Variants in ARHGEF11 observed in about 807,000 individuals in gnomAD.
The protein encoded by ARHGEF11 is Rho guanine nucleotide exchange factor 11.
Under a neutral mutation model 193.7 loss-of-function variants are expected in ARHGEF11, and 55 were observed. The ratio of observed to expected loss-of-function variants is 0.28; its 90% CI spans 0.23 to 0.36. The LOEUF is 0.36. Ranked by LOEUF, ARHGEF11 falls within the 10% of genes least tolerant of loss-of-function variation. ARHGEF11 has a pLI of 1.00. For missense variants in ARHGEF11, 1,723 were observed against 2,005.6 expected, an observed-to-expected ratio of 0.86 and a Z score of 2.69; for synonymous variants, 693 against 768.0, an observed-to-expected ratio of 0.90 and a Z score of 1.62.
chr1:156,960,558 T>A, intron 14 of ARHGEF11, 98 bp from the exon 15 acceptor site: 2 of 1,170,332 alleles, frequency 1.7e-6, no homozygotes, highest in East Asian at 4.7e-5. Context: ...CATGAACTTC[T>A]TGCCTTTTCG....
In ARHGEF11 at chr1:157,040,381, CT is replaced by C. The variant is rs147220334; in HGVS notation, c.32+3917del. Among the ~76,000 whole-genome samples the C allele has an allele frequency of 3.3e-3, 504 of 152,310 alleles. 4 individuals are homozygous for C. The highest frequency in any genetic ancestry group is 0.011 in the African/African-American group (475 of 41,546). ...CAGAAGCCAAGGTGCGAAGAGACCCCTGACAGAGAACAGTTGCTGGGTCTAG... is the reference window on the plus strand; with the variant it reads ...CAGAAGCCAAGGTGCGAAGAGACCCCGACAGAGAACAGTTGCTGGGTCTAG... On this transcript the variant is annotated intron_variant, in intron 1 of 40. Transcript: ENST00000368194.
In ARHGEF11 at chr1:157,033,390, C is replaced by T. The variant is rs566505353; in HGVS notation, c.32+10909G>A. ...AACCTCTGATCTCTCATTTTTCTCCCTCTCTGAAGTCACTTCCGTAGCAGA... is the reference window on the plus strand; with the variant it reads ...AACCTCTGATCTCTCATTTTTCTCCTTCTCTGAAGTCACTTCCGTAGCAGA... On this transcript the variant is annotated intron_variant, in intron 1 of 40. Coordinates refer to ENST00000368194, the MANE Select transcript of ARHGEF11 (RefSeq NM_198236.3). Among the ~76,000 whole-genome samples the T allele has an allele frequency of 4.6e-5, 7 of 152,216 alleles. No homozygotes were observed. The East Asian group carries it at 9.6e-4, about 21-fold the overall frequency.
intron 29 of ARHGEF11, chr1:156,945,812 C>T: frequency 2.2e-6 from 1 of 459,490 alleles, no homozygotes; most frequent in East Asian, 3.8e-5. Context: ...GCACAAAGGC[C>T]CACACAGGTG....
chr1:157,040,983 T>C (rs773366797), intron 1 of ARHGEF11, among the ~76,000 whole-genome samples: 1 of 152,204 alleles, frequency 6.6e-6, no homozygotes, highest in Admixed American at 6.5e-5. Context: ...AGAGGAGGCA[T>C]GTGACTTCCC....
chr1:156,940,250 G>C lies in ARHGEF11; in HGVS notation c.3690C>G (p.Gly1230=). The part of the protein sequence containing the change: ...TRNPIHLAFP[G]PLFMEGLADS... Reference sequence around the variant, plus strand: ...CAGCGAGCCCTTCCATGAACAGAGGGCCTGGGAAGGCCAAGTGGATGGGGT... The same window carrying C: ...CAGCGAGCCCTTCCATGAACAGAGGCCCTGGGAAGGCCAAGTGGATGGGGT... Residue 1230 remains glycine (G), a synonymous_variant, in exon 36 of 41, where the codon GGC becomes GGG. Transcript: ENST00000368194. 1 of 1,609,046 alleles carries C rather than the reference G, an allele frequency of 6.2e-7. No homozygotes were observed.
intron 1 of ARHGEF11, among the ~76,000 whole-genome samples, chr1:156,992,625 A>C (rs1044277487): frequency 7.2e-5 from 11 of 152,152 alleles, no homozygotes; most frequent in Non-Finnish European, 1.3e-4. Flanking sequence ...GTATATATAT[A>C]TATATTTTAA....
At chr1:157,029,128 T>C (rs181274065) in intron 1 of ARHGEF11, among the ~76,000 whole-genome samples, 132 of 148,322 alleles carry the variant, frequency 8.9e-4, no homozygotes, top group Middle Eastern at 3.5e-3. Context: ...GATTGTGCCA[T>C]TGCACTCCAG....
intron 1 of ARHGEF11, among the ~76,000 whole-genome samples, chr1:157,006,571 C>T (rs1045631446): frequency 2.0e-5 from 3 of 152,222 alleles, no homozygotes; most frequent in Non-Finnish European, 4.4e-5. Context: ...AAGAGAATTG[C>T]TCTCTGATCC....
At chr1:157,002,783 G>T (rs1477230850) in intron 1 of ARHGEF11, among the ~76,000 whole-genome samples, 1 of 152,138 alleles carries the variant, frequency 6.6e-6, no homozygotes, top group Non-Finnish European at 1.5e-5. Flanking sequence ...AATAATAAGA[G>T]CTAGCAAATT....
At position 156,984,246 on chromosome 1, in the gene ARHGEF11, C is replaced by T. The variant is rs929205934; in HGVS notation, c.223+93G>A. 32 of 1,012,824 alleles carry T rather than the reference C, an allele frequency of 3.2e-5. No individual in the cohort carries two copies. In the African/African-American group the frequency reaches 4.5e-4, roughly 14 times the overall value. 62.7% of individuals were successfully genotyped at this position (1,012,824 alleles called of 1,614,324 possible). A position where few individuals can be genotyped will look rare whatever the true frequency, so the allele number is the denominator to read the frequency against. On this transcript the variant is annotated intron_variant, in intron 3 of 40. Transcript: ENST00000368194. ...CCAGTTCTAGAGTAATTCATTCATG[C>T]CCCACAGGAAAGCACAGGTAGAATG... is the stretch of plus-strand genomic sequence containing the variant.
In ARHGEF11 at chr1:156,943,786, C is replaced by T. The variant is rs139120152; in HGVS notation, c.3235+149G>A. ...CATCCTACCCCACTTTGGGCCAGTCCTACCACTTAGGCTGGGTCAGGACAG... is the reference window on the plus strand; with the variant it reads ...CATCCTACCCCACTTTGGGCCAGTCTTACCACTTAGGCTGGGTCAGGACAG... On this transcript the variant is annotated intron_variant, in intron 32 of 40. Transcript: ENST00000368194. 2,079 of 1,020,138 alleles carry T rather than the reference C, an allele frequency of 2.0e-3. 23 individuals are homozygous for T. In the African/African-American group the frequency reaches 0.027, roughly 13 times the overall value. The allele number at this position is 1,020,138 out of a possible 1,614,324, so 63.2% of individuals were successfully genotyped here.
At chr1:157,009,235 A>G (rs1365715129) in intron 1 of ARHGEF11, among the ~76,000 whole-genome samples, 1 of 152,208 alleles carries the variant, frequency 6.6e-6, no homozygotes, top group African/African-American at 2.4e-5. Flanking sequence ...CCAGTATAAA[A>G]TGGACTTATA....
At chr1:157,012,918 G>C (rs969054754) in intron 1 of ARHGEF11, among the ~76,000 whole-genome samples, 1 of 152,156 alleles carries the variant, frequency 6.6e-6, no homozygotes, top group Admixed American at 6.5e-5. Flanking sequence ...ATTATAGCTA[G>C]GTCTCAGGGA....
intron 7 of ARHGEF11, among the ~76,000 whole-genome samples, chr1:156,974,840 ACTT>A (rs1663040908): frequency 6.6e-6 from 1 of 152,114 alleles, no homozygotes; most frequent in African/African-American, 2.4e-5. Context: ...ATTTATTAGT[ACTT>A]CTTTCTTTTT....
intron 1 of ARHGEF11, among the ~76,000 whole-genome samples, chr1:157,038,191 T>C (rs1672300779): frequency 6.6e-6 from 1 of 152,084 alleles, no homozygotes; most frequent in Non-Finnish European, 1.5e-5. Flanking sequence ...GGCTGCTAGA[T>C]TGGTTCCCTA....
In ARHGEF11 at chr1:156,939,659, G is replaced by A. The variant is rs749845760; in HGVS notation, c.3985C>T (p.Pro1329Ser). The A allele has an allele frequency of 1.9e-5, 30 of 1,613,876 alleles. No homozygotes were observed. Among genetic ancestry groups the A allele is most frequent in the Non-Finnish European group, 2.5e-5 (30 of 1,180,036 alleles). ...ATCCCAGAATTTCTGGTCCTTGGGGGTAGGTGTTCCAGAGAACAGAGACCC... is the reference window on the plus strand; with the variant it reads ...ATCCCAGAATTTCTGGTCCTTGGGGATAGGTGTTCCAGAGAACAGAGACCC... Reference protein sequence around the residue: ...DMGLCSLEHLPPRTRNSGIWE... With the variant: ...DMGLCSLEHLSPRTRNSGIWE... Residue 1329 changes from proline (P) to serine (S), a missense_variant, in exon 37 of 41, where the codon CCC becomes TCC. Pro to Ser is a moderately conservative substitution (Grantham distance 74). This residue lies in a region of ARHGEF11 where 360 missense variants were observed against 344.4 expected (regional missense o/e 1.05). Coordinates refer to ENST00000368194, the MANE Select transcript of ARHGEF11 (RefSeq NM_198236.3).
At chr1:157,034,720 C>G (rs1671701608) in intron 1 of ARHGEF11, among the ~76,000 whole-genome samples, 1 of 152,156 alleles carries the variant, frequency 6.6e-6, no homozygotes, top group Non-Finnish European at 1.5e-5. Context: ...TGCTCTTGAA[C>G]CCTTAGGAAC....
At chr1:157,041,595 GACT>G (rs1172607711) in intron 1 of ARHGEF11, among the ~76,000 whole-genome samples, 3 of 152,030 alleles carry the variant, frequency 2.0e-5, no homozygotes, top group African/African-American at 7.3e-5. Flanking sequence ...GACCTTATTT[GACT>G]ACATTTGAAA....
At chr1:156,960,517 A>G in intron 14 of ARHGEF11, 57 bp from the exon 15 acceptor site, 1 of 1,562,428 alleles carries the variant, frequency 6.4e-7, no homozygotes, top group Non-Finnish European at 8.8e-7. Context: ...CAGGGAGATG[A>G]GCAGTGTGCA....
Sources: allele counts gnomAD v4.1 joint callset (sites outside exome capture counted in the v4.1 genomes callset), GRCh38; gene constraint gnomAD v4.1.1; regional missense constraint gnomAD v4.1.1; transcripts MANE v1.5; gene names NCBI Gene and HGNC (gene_info 2026-07-23, HGNC 2026-07-21).